Variants in AKR1B15 observed in about 807,000 individuals in gnomAD.
The protein encoded by AKR1B15 is estradiol 17-beta-dehydrogenase AKR1B15.
In AKR1B15, 49 loss-of-function variants were observed where a neutral mutation model predicts 38.5. The observed-to-expected ratio is 1.27, with a 90% CI of 1.01 to 1.62. The LOEUF (loss-of-function observed/expected upper bound fraction) is 1.62, where lower values mean the gene tolerates loss of function less well. AKR1B15 is among the 40% of genes most tolerant of loss of function. The pLI is 0.00. For synonymous variants in AKR1B15, 137 were observed against 135.5 expected, an observed-to-expected ratio of 1.01 and a Z score of -0.08; for missense variants, 411 against 381.6, an observed-to-expected ratio of 1.08 and a Z score of -0.64.
chr7:134,551,160 C>T (rs549840753), intron 1 of AKR1B15, among the ~76,000 whole-genome samples: 7 of 152,294 alleles, frequency 4.6e-5, no homozygotes, highest in Admixed American at 2.6e-4. Flanking sequence ...TTCCACCACC[C>T]TATAACCCTC....
chr7:134,569,424 T>G lies in AKR1B15; in HGVS notation c.330T>G (p.Thr110=). 5 of 1,614,076 alleles carry G rather than the reference T, an allele frequency of 3.1e-6. No individual in the cohort carries two copies. The highest frequency in any genetic ancestry group is 2.5e-6 in the Non-Finnish European group (3 of 1,179,954). The part of the protein sequence containing the change: ...DLFIVSKVWP[T]FFERPLVRKA... The stretch of plus-strand genomic sequence containing the variant: ...TACACTCTTTGCAGGTGTGGCCCAC[T>G]TTCTTTGAGAGACCCCTTGTGAGGA... Residue 110 remains threonine (T), a synonymous_variant, in exon 5 of 12, where the codon ACT becomes ACG. Transcript: ENST00000457545.
chr7:134,565,892 C>A (rs752106639), intron 3 of AKR1B15, among the ~76,000 whole-genome samples: 3 of 152,050 alleles, frequency 2.0e-5, no homozygotes, highest in Admixed American at 6.5e-5. Flanking sequence ...TTGTTGTGGG[C>A]TGGGTGGTTG....
chr7:134,559,925 T>C (rs1461961925), intron 2 of AKR1B15, among the ~76,000 whole-genome samples: 6 of 152,206 alleles, frequency 3.9e-5, no homozygotes, highest in South Asian at 2.1e-4. Flanking sequence ...CTGGCCACCA[T>C]GGTGTAACCT....
intron 1 of AKR1B15, among the ~76,000 whole-genome samples, chr7:134,555,896 G>A (rs1354636681): frequency 6.6e-6 from 1 of 152,114 alleles, no homozygotes; most frequent in Non-Finnish European, 1.5e-5. Flanking sequence ...TGCCCTTACT[G>A]CATGTGTGTA....
At chr7:134,551,934 C>T (rs780437700) in intron 1 of AKR1B15, among the ~76,000 whole-genome samples, 20 of 152,172 alleles carry the variant, frequency 1.3e-4, no homozygotes, top group Non-Finnish European at 2.6e-4. Context: ...TGTCACTTGG[C>T]CCCGGGAACC....
At chr7:134,565,590 GT>G (rs1794514958) in intron 3 of AKR1B15, 1 of 1,610,060 alleles carries the variant, frequency 6.2e-7, no homozygotes, top group African/African-American at 1.3e-5. Flanking sequence ...CTGGAGGGCT[GT>G]TTGGGTGTTT....
chr7:134,569,270 C>A, intron 4 of AKR1B15, 143 bp from the exon 5 acceptor site: 2 of 921,746 alleles, frequency 2.2e-6, no homozygotes, highest in East Asian at 2.5e-5. Context: ...ATCTTCCACA[C>A]TGCATCGTGG....
chr7:134,549,374 T>TA, intron 1 of AKR1B15, 125 bp downstream of exon 1: 1 of 152,338 alleles, frequency 6.6e-6, no homozygotes, highest in Admixed American at 6.5e-5. Flanking sequence ...GATTCTCTGT[T>TA]AAGTCTAGTC....
intron 9 of AKR1B15, 61 bp from the exon 10 acceptor site, chr7:134,576,902 T>A (rs1054096194): frequency 1.6e-4 from 230 of 1,471,440 alleles, no homozygotes; most frequent in Admixed American, 4.9e-4. Flanking sequence ...TTATTCTTCC[T>A]TTCCATAAAA....
At chr7:134,562,317 C>T (rs1298464698) in intron 2 of AKR1B15, among the ~76,000 whole-genome samples, 2 of 152,192 alleles carry the variant, frequency 1.3e-5, no homozygotes, top group East Asian at 3.8e-4. Context: ...GTAAGGGTAC[C>T]TAAGCGGGTT....
chr7:134,564,166 G>C (rs188335006), intron 2 of AKR1B15, among the ~76,000 whole-genome samples: 1 of 152,166 alleles, frequency 6.6e-6, no homozygotes, highest in Non-Finnish European at 1.5e-5. Context: ...CTACTGCTAT[G>C]GGAACCGGAA....
chr7:134,556,313 C>G (rs1425484370), intron 1 of AKR1B15, among the ~76,000 whole-genome samples: 1 of 152,162 alleles, frequency 6.6e-6, no homozygotes, highest in Non-Finnish European at 1.5e-5. Flanking sequence ...TTAATCTCAC[C>G]AAGCCTAAAC....
At chr7:134,574,163 G>A (rs1794716794) in intron 6 of AKR1B15, among the ~76,000 whole-genome samples, 1 of 152,144 alleles carries the variant, frequency 6.6e-6, no homozygotes, top group South Asian at 2.1e-4. Flanking sequence ...CCAAAGTGCT[G>A]AGATTAGTCA....
intron 1 of AKR1B15, among the ~76,000 whole-genome samples, chr7:134,552,229 C>G (rs1794010713): frequency 6.6e-6 from 1 of 152,172 alleles, no homozygotes; most frequent in African/African-American, 2.4e-5. Context: ...CTCGGCCCAA[C>G]AAACTCACCT....
At chr7:134,574,960 C>A (rs1388226859) in intron 6 of AKR1B15, among the ~76,000 whole-genome samples, 1 of 152,240 alleles carries the variant, frequency 6.6e-6, no homozygotes, top group Non-Finnish European at 1.5e-5. Flanking sequence ...CCGTATGCTG[C>A]AGCCTCTTCC....
At chr7:134,576,497 T>A in intron 9 of AKR1B15, 67 bp downstream of exon 9, 1 of 1,569,332 alleles carries the variant, frequency 6.4e-7, no homozygotes, top group Non-Finnish European at 8.7e-7. Flanking sequence ...TCATTTCTCG[T>A]GTTGTCCTCA....
At chr7:134,571,342 A>G (rs1470553082) in intron 5 of AKR1B15, among the ~76,000 whole-genome samples, 1 of 152,226 alleles carries the variant, frequency 6.6e-6, no homozygotes, top group African/African-American at 2.4e-5. Flanking sequence ...GTTAATGTCC[A>G]TGGTGATAAT....
intron 1 of AKR1B15, among the ~76,000 whole-genome samples, chr7:134,551,158 C>T (rs1438358046): frequency 6.6e-6 from 1 of 152,192 alleles, no homozygotes; most frequent in Non-Finnish European, 1.5e-5. Flanking sequence ...ATTTCCACCA[C>T]CCTATAACCC....
At position 134,569,519 on chromosome 7, in the gene AKR1B15, A is replaced by G. The variant is rs1433256843; in HGVS notation, c.425A>G (p.Gln142Arg). 6 of 1,614,040 alleles carry G rather than the reference A, an allele frequency of 3.7e-6. No individual in the cohort carries two copies. In the Admixed American group the frequency reaches 1.0e-4, roughly 27 times the overall value. The stretch of plus-strand genomic sequence containing the variant: ...GACGTCTATCTTATTCACTGGCCAC[A>G]GGGATTCAAGGTTTGAGTGACTCCC... Reference protein sequence around the residue: ...YLDVYLIHWPQGFKTGDDFFP... With the variant: ...YLDVYLIHWPRGFKTGDDFFP... The change falls in exon 5 of 12, where the codon CAG becomes CGG. Residue 142 changes from glutamine (Q) to arginine (R), a missense_variant. Around this residue, in one of 3 missense-constraint regions of AKR1B15, gnomAD observed 254 missense variants for 212.4 expected, o/e 1.20. Transcript: ENST00000457545.
Sources: gnomAD v4.1 joint callset for allele counts (sites outside exome capture counted in the v4.1 genomes callset) on GRCh38, gnomAD v4.1.1 for gene constraint, gnomAD v4.1.1 regional missense constraint, MANE v1.5 for transcripts, NCBI Gene and HGNC (gene_info 2026-07-23, HGNC 2026-07-21) for gene names.